Variants in CLIC5 observed in about 807,000 individuals in gnomAD.
CLIC5 encodes chloride intracellular channel protein 5.
A neutral mutation model predicts 24.7 loss-of-function variants in CLIC5; 20 were observed. That is an observed-to-expected ratio of 0.81 (90% CI 0.57 to 1.18). CLIC5 has a LOEUF of 1.18. Among genes scored for constraint, CLIC5 ranks in the 50% most tolerant of loss-of-function variants. The pLI, the probability that CLIC5 is intolerant of heterozygous loss-of-function variation, is 0.00. For synonymous variants in CLIC5, 159 were observed against 135.6 expected (o/e 1.17, Z -1.20); for missense variants, 341 against 326.1 (o/e 1.05, Z -0.35).
intron 4 of CLIC5, among the ~76,000 whole-genome samples, chr6:45,941,055 G>A (rs1369897712): frequency 6.6e-6 from 1 of 152,178 alleles, no homozygotes. Context: ...TCCTGCAGAA[G>A]GGGAGAACAC....
At chr6:46,024,009 A>C (rs572052494) in intron 1 of CLIC5, among the ~76,000 whole-genome samples, 25 of 152,146 alleles carry the variant, frequency 1.6e-4, no homozygotes, top group Non-Finnish European at 2.9e-4. Flanking sequence ...TTAATAACTC[A>C]AAAAAGGGAA....
chr6:46,112,171 C>A, the CLIC5 span, among the ~76,000 whole-genome samples: 4 of 152,014 alleles, frequency 2.6e-5, no homozygotes, highest in South Asian at 2.1e-4. Flanking sequence ...ACAGAAGTAA[C>A]CCTGCAAAGC....
the CLIC5 span, among the ~76,000 whole-genome samples, chr6:46,110,746 C>G: frequency 6.6e-6 from 1 of 152,190 alleles, no homozygotes; most frequent in African/African-American, 2.4e-5. Context: ...ATTACAAGCA[C>G]AGTCTGTTGG....
intron 1 of CLIC5, among the ~76,000 whole-genome samples, chr6:46,027,795 C>T (rs978831608): frequency 6.6e-6 from 1 of 152,128 alleles, no homozygotes; most frequent in African/African-American, 2.4e-5. Flanking sequence ...TCATTGGCAG[C>T]AACTACAGAA....
chr6:45,966,933 C>T (rs1313384462), intron 1 of CLIC5, among the ~76,000 whole-genome samples: 1 of 152,188 alleles, frequency 6.6e-6, no homozygotes, highest in Non-Finnish European at 1.5e-5. Context: ...TAAGTTCTGC[C>T]AGGTGGGTCT....
At chr6:45,891,886 A>G (rs535567465) in intron 6 of CLIC5, among the ~76,000 whole-genome samples, 71 of 152,368 alleles carry the variant, frequency 4.7e-4, no homozygotes, top group African/African-American at 1.6e-3. Flanking sequence ...CAACTGTACG[A>G]TGAAGATTAT....
At chr6:46,122,646 G>T in the CLIC5 span, among the ~76,000 whole-genome samples, 1 of 152,038 alleles carries the variant, frequency 6.6e-6, no homozygotes, top group African/African-American at 2.4e-5. Context: ...CCGGGATCTG[G>T]TTTTTTAAAA....
chr6:46,113,089 AG>A, the CLIC5 span, among the ~76,000 whole-genome samples: 3 of 152,094 alleles, frequency 2.0e-5, no homozygotes, highest in African/African-American at 7.2e-5. Flanking sequence ...AGGCCAGGCC[AG>A]GTTGTTAAGG....
At chr6:45,897,113 T>C (rs1762404390), downstream of CLIC5, among the ~76,000 whole-genome samples, 2 of 152,190 alleles carry the variant, frequency 1.3e-5, no homozygotes, top group Non-Finnish European at 2.9e-5. Flanking sequence ...TGTCTCTTGC[T>C]GCGTTTTGCA....
rs77466591 is a variant in CLIC5, at chr6:45,914,077, C to G, written c.588+151G>C. 3.4e-3 allele frequency: 1,843 copies of G among 535,606 alleles called. 28 individuals are homozygous for G. Among genetic ancestry groups the G allele is most frequent in the African/African-American group, 0.032 (1,657 of 51,580 alleles). 33.2% of individuals were successfully genotyped at this position (535,606 alleles called of 1,614,324 possible). A position where few individuals can be genotyped will look rare whatever the true frequency, so the allele number is the denominator to read the frequency against. ...TCAAGGAGGCCACACAGCCAACAAG[C>G]AGCAGAGGGTGACCTTGGGTCCTTA... On this transcript the variant is annotated intron_variant, in intron 5 of 5. Transcript: ENST00000339561.
chr6:46,037,119 G>A, intron 1 of CLIC5, among the ~76,000 whole-genome samples: 1 of 151,922 alleles, frequency 6.6e-6, no homozygotes. Flanking sequence ...GCATATCCAA[G>A]GACCTTCATC....
the CLIC5 span, among the ~76,000 whole-genome samples, chr6:46,121,342 G>C: frequency 1.3e-5 from 2 of 152,258 alleles, no homozygotes; most frequent in South Asian, 2.1e-4. Context: ...AGCTTCACAA[G>C]TGAAGGAGAA....
intron 1 of CLIC5, among the ~76,000 whole-genome samples, chr6:46,046,863 A>G (rs755778765): frequency 2.0e-5 from 3 of 152,182 alleles, no homozygotes; most frequent in Non-Finnish European, 4.4e-5. Context: ...TGACAATTTA[A>G]TAATCACGAT....
the CLIC5 span, among the ~76,000 whole-genome samples, chr6:46,112,840 T>G: frequency 1.1e-4 from 17 of 152,296 alleles, no homozygotes; most frequent in African/African-American, 3.8e-4. Context: ...GCAGATCACC[T>G]GAGGTCAGGA....
intron 1 of CLIC5, among the ~76,000 whole-genome samples, chr6:45,967,485 AG>A (rs1765054281): frequency 6.6e-6 from 1 of 152,188 alleles, no homozygotes. Context: ...TGAGCCTCAA[AG>A]GTAAGAGAGT....
intron 1 of CLIC5, among the ~76,000 whole-genome samples, chr6:45,991,921 G>T (rs1042576546): frequency 1.3e-5 from 2 of 152,222 alleles, no homozygotes; most frequent in African/African-American, 4.8e-5. Context: ...TAATTGTTAT[G>T]TTGTGGATTT....
At chr6:45,926,975 G>A (rs1000492798) in intron 4 of CLIC5, among the ~76,000 whole-genome samples, 9 of 152,100 alleles carry the variant, frequency 5.9e-5, no homozygotes, top group Admixed American at 3.3e-4. Context: ...AATGGGGACT[G>A]GGAAGTTTTA....
chr6:45,926,633 C>G (rs1249313642), intron 4 of CLIC5, among the ~76,000 whole-genome samples: 1 of 152,062 alleles, frequency 6.6e-6, no homozygotes, highest in Non-Finnish European at 1.5e-5. Context: ...AATAATTTGA[C>G]CTCTGGCTGC....
intron 2 of CLIC5, among the ~76,000 whole-genome samples, chr6:45,954,288 AAAAG>A (rs1209453906): frequency 4.6e-5 from 7 of 151,592 alleles, no homozygotes; most frequent in Non-Finnish European, 1.0e-4. Context: ...AAAAAAAAAA[AAAAG>A]AAAGAAAAGA....
Sources: gnomAD v4.1 joint callset for allele counts (sites outside exome capture counted in the v4.1 genomes callset) on GRCh38, gnomAD v4.1.1 for gene constraint, MANE v1.5 for transcripts, NCBI Gene and HGNC (gene_info 2026-07-23, HGNC 2026-07-21) for gene names.